Variants in GGACT observed in about 807,000 individuals in gnomAD.
The protein encoded by GGACT is gamma-glutamylaminecyclotransferase.
For missense variants in GGACT, 241 were observed against 233.2 expected, an observed-to-expected ratio of 1.03 and a Z score of -0.22; for synonymous variants, 118 against 115.3, an observed-to-expected ratio of 1.02 and a Z score of -0.15.
intron 1 of GGACT, among the ~76,000 whole-genome samples, chr13:100,586,287 A>C (rs192707592): frequency 6.6e-6 from 1 of 152,324 alleles, no homozygotes; most frequent in Non-Finnish European, 1.5e-5. Context: ...AAGAAAAAAA[A>C]AGATGAAGTG....
Position 100,573,630 on chromosome 13 carries a change from G to A in GGACT, c.-11+10195C>T, listed in dbSNP as rs917161836. ...AGCCTCCTAAAATGCTAGGATTACA[G>A]GTGAGGGCCACTGTGCTTGGCCTAA... On this transcript the variant is annotated intron_variant, in intron 2 of 2. Coordinates refer to ENST00000683975, the MANE Select transcript of GGACT (RefSeq NM_001195087.2). 3.9e-5 allele frequency among the ~76,000 whole-genome samples: 6 copies of A among 152,234 alleles called. No homozygotes were observed. The South Asian group carries it at 8.3e-4, about 21-fold the overall frequency.
chr13:100,567,358 G>A (rs1397624485), intron 2 of GGACT, among the ~76,000 whole-genome samples: 1 of 152,048 alleles, frequency 6.6e-6, no homozygotes, highest in Non-Finnish European at 1.5e-5. Flanking sequence ...TATTTCTTTT[G>A]ATGCTTACAT....
chr13:100,564,999 C>T (rs1370668627), intron 2 of GGACT, among the ~76,000 whole-genome samples: 2 of 152,164 alleles, frequency 1.3e-5, no homozygotes, highest in African/African-American at 4.8e-5. Context: ...TAACTTCAAG[C>T]ACAATGATGC....
intron 2 of GGACT, among the ~76,000 whole-genome samples, chr13:100,570,960 T>C (rs1177125429): frequency 6.6e-6 from 1 of 151,818 alleles, no homozygotes; most frequent in Non-Finnish European, 1.5e-5. Flanking sequence ...CCCCGAGAGA[T>C]TGCTCAGTCT....
intron 2 of GGACT, among the ~76,000 whole-genome samples, chr13:100,547,922 A>G (rs970742473): frequency 6.6e-6 from 1 of 152,246 alleles, no homozygotes; most frequent in Non-Finnish European, 1.5e-5. Flanking sequence ...TGCCTTTTAG[A>G]GTATTTTTCC....
chr13:100,533,617 C>T (rs1248457302), intron 2 of GGACT: 2 of 152,248 alleles, frequency 1.3e-5, no homozygotes, highest in South Asian at 2.1e-4. Context: ...CCACTCAGGT[C>T]CTGGCAGTCT....
intron 2 of GGACT, chr13:100,580,099 C>T (rs1244532899): frequency 6.6e-6 from 1 of 152,334 alleles, no homozygotes; most frequent in Non-Finnish European, 1.5e-5. Context: ...CGGGGATTGG[C>T]ACCTGGTCTT....
chr13:100,554,684 T>C (rs2088696402), intron 2 of GGACT, among the ~76,000 whole-genome samples: 1 of 152,200 alleles, frequency 6.6e-6, no homozygotes, highest in South Asian at 2.1e-4. Flanking sequence ...ATATCACGTC[T>C]GGAACATACT....
At chr13:100,548,592 G>A (rs1038468518) in intron 2 of GGACT, among the ~76,000 whole-genome samples, 17 of 152,236 alleles carry the variant, frequency 1.1e-4, no homozygotes, top group Admixed American at 5.2e-4. Flanking sequence ...TAGCAGCTTA[G>A]CCATCTGGTT....
At chr13:100,548,252 G>C (rs1435652192) in intron 2 of GGACT, among the ~76,000 whole-genome samples, 3 of 152,366 alleles carry the variant, frequency 2.0e-5, no homozygotes, top group Non-Finnish European at 1.5e-5. Flanking sequence ...CTTTGGGCTA[G>C]AAATACTTTG....
Position 100,532,054 on chromosome 13 carries a change from G to T in GGACT, c.*76C>A, listed in dbSNP as rs898526963. On this transcript the variant is annotated 3_prime_UTR_variant, in exon 3 of 3. Coordinates refer to ENST00000683975, the MANE Select transcript of GGACT (RefSeq NM_001195087.2). ...TTGGAAAGGGCCCTGTTCGGCTTCC[G>T]CCTTCACCCAGCATGGGCTGGGCGC... 6.4e-6 allele frequency: 7 copies of T among 1,092,206 alleles called. No homozygotes were observed. The highest frequency in any genetic ancestry group is 3.1e-4 in the Middle Eastern group (1 of 3,240). 67.7% of individuals were successfully genotyped at this position (1,092,206 alleles called of 1,614,324 possible).
At chr13:100,571,498 G>A (rs1352199816) in intron 2 of GGACT, among the ~76,000 whole-genome samples, 1 of 152,054 alleles carries the variant, frequency 6.6e-6, no homozygotes, top group Non-Finnish European at 1.5e-5. Context: ...TTTAATTTTT[G>A]TAGAGACGGG....
At position 100,535,833 on chromosome 13, in the gene GGACT, A is replaced by G. The variant is rs577309977; in HGVS notation, c.-10-3232T>C. The G allele has an allele frequency of 5.9e-5, 9 of 152,154 alleles. No homozygotes were observed. The South Asian group carries it at 1.9e-3, about 32-fold the overall frequency. The allele number at this position is 152,154 out of a possible 1,614,324, so 9.4% of individuals were successfully genotyped here. On this transcript the variant is annotated intron_variant, in intron 2 of 2. Transcript: ENST00000683975. Reference sequence around the variant, plus strand: ...TTGTTTTGCATTTCGCTTAGTTTCTAGGATTGTAATTCAGCCTCGCAGTTT... The same window carrying G: ...TTGTTTTGCATTTCGCTTAGTTTCTGGGATTGTAATTCAGCCTCGCAGTTT...
At chr13:100,548,643 A>G (rs973905620) in intron 2 of GGACT, among the ~76,000 whole-genome samples, 6 of 152,256 alleles carry the variant, frequency 3.9e-5, no homozygotes, top group African/African-American at 1.4e-4. Flanking sequence ...GACTGCACAC[A>G]GTGGGTACAA....
At chr13:100,580,506 A>G (rs1174662514) in intron 2 of GGACT, among the ~76,000 whole-genome samples, 1 of 152,234 alleles carries the variant, frequency 6.6e-6, no homozygotes, top group Non-Finnish European at 1.5e-5. Flanking sequence ...CAGCCCTGAC[A>G]GCACCTTGAT....
intron 1 of GGACT, among the ~76,000 whole-genome samples, chr13:100,585,779 G>C (rs565111753): frequency 8.0e-5 from 4 of 50,112 alleles, no homozygotes; most frequent in African/African-American, 2.9e-4. Flanking sequence ...TCTCAGGAAG[G>C]AAAAAAAAAA....
In GGACT at chr13:100,586,520, A is replaced by G. The variant is rs530942007; in HGVS notation, c.-184+2221T>C. Among the ~76,000 whole-genome samples, 9 of 103,772 alleles carry G rather than the reference A, an allele frequency of 8.7e-5. No homozygotes were observed. The East Asian group carries it at 2.8e-3, about 33-fold the overall frequency. The allele number at this position is 103,772 out of a possible 152,430, so 68.1% of individuals were successfully genotyped here. A position where few individuals can be genotyped will look rare whatever the true frequency, so the allele number is the denominator to read the frequency against. On this transcript the variant is annotated intron_variant, in intron 1 of 2. Transcript: ENST00000683975. The stretch of plus-strand genomic sequence containing the variant: ...CCCTCCTCTCGCGGAGTCCAGCCTC[A>G]GCACGCCAGTTGTTCACCTTTGTCT...
Position 100,531,053 on chromosome 13 carries a change from G to GAGTA in GGACT, c.*1073_*1076dup, listed in dbSNP as rs1466954285. 1.3e-5 allele frequency: 2 copies of GAGTA among 152,354 alleles called. No individual in the cohort carries two copies. Among genetic ancestry groups the GAGTA allele is most frequent in the South Asian group, 2.1e-4 (1 of 4,822 alleles). The allele number at this position is 152,354 out of a possible 1,614,324, so 9.4% of individuals were successfully genotyped here. ...GATCACAGTCTGCCATTAAGTTGAA[G>GAGTA]AGTAAGTGAGCTCTCCCAACAGAGA... On this transcript the variant is annotated 3_prime_UTR_variant, in exon 3 of 3. Coordinates refer to ENST00000683975, the MANE Select transcript of GGACT (RefSeq NM_001195087.2).
At chr13:100,579,286 G>C (rs542085576) in intron 2 of GGACT, among the ~76,000 whole-genome samples, 10 of 152,228 alleles carry the variant, frequency 6.6e-5, no homozygotes, top group Non-Finnish European at 1.3e-4. Flanking sequence ...CCACCCCCAG[G>C]GTACGGAGGC....
Sources: gnomAD v4.1 joint callset for allele counts (sites outside exome capture counted in the v4.1 genomes callset) on GRCh38, gnomAD v4.1.1 for gene constraint, MANE v1.5 for transcripts, NCBI Gene and HGNC (gene_info 2026-07-23, HGNC 2026-07-21) for gene names.